CDC40: variants seen among roughly 807,000 people sequenced by gnomAD.
CDC40 encodes pre-mRNA-processing factor 17.
In CDC40, 27 loss-of-function variants were observed where a neutral mutation model predicts 80.6. The ratio of observed to expected loss-of-function variants is 0.33; its 90% CI spans 0.25 to 0.46. The LOEUF (loss-of-function observed/expected upper bound fraction) is 0.46. CDC40 is among the 20% of genes least tolerant of loss of function. The pLI is 1.00. For synonymous variants in CDC40, 221 were observed against 232.6 expected, an observed-to-expected ratio of 0.95 and a Z score of 0.45; for missense variants, 486 against 694.1, an observed-to-expected ratio of 0.70 and a Z score of 3.37.
chr6:110,189,658 T>C (rs1777319401), intron 1 of CDC40, among the ~76,000 whole-genome samples: 1 of 152,226 alleles, frequency 6.6e-6, no homozygotes, highest in Non-Finnish European at 1.5e-5. Flanking sequence ...AGGGCAACTG[T>C]ACCTTTATCT....
chr6:110,186,448 C>G (rs1777271984), intron 1 of CDC40, among the ~76,000 whole-genome samples: 2 of 152,052 alleles, frequency 1.3e-5, no homozygotes, highest in African/African-American at 4.8e-5. Flanking sequence ...CACGCCACTG[C>G]ACTCCAGCCT....
At chr6:110,212,108 G>T in intron 6 of CDC40, 25 bp from the exon 7 acceptor site, 1 of 1,598,018 alleles carries the variant, frequency 6.3e-7, no homozygotes, top group South Asian at 1.1e-5. Context: ...TTTGTTTATT[G>T]ATTTTCTTTG....
chr6:110,203,176 T>G (rs1777515098), intron 3 of CDC40, among the ~76,000 whole-genome samples: 1 of 152,190 alleles, frequency 6.6e-6, no homozygotes, highest in Non-Finnish European at 1.5e-5. Flanking sequence ...AGATCAGTCT[T>G]GTCTAAGCTT....
intron 12 of CDC40, among the ~76,000 whole-genome samples, chr6:110,221,540 T>C (rs950386539): frequency 4.6e-5 from 7 of 152,234 alleles, no homozygotes; most frequent in African/African-American, 1.7e-4. Context: ...TCTTTCTTAA[T>C]TCAGAAATAT....
chr6:110,204,743 T>C (rs1419265201), intron 3 of CDC40, among the ~76,000 whole-genome samples: 1 of 144,218 alleles, frequency 6.9e-6, no homozygotes. Context: ...CACTGCAACC[T>C]CTACCTCTGG....
chr6:110,222,940 C>CA (rs1166480165), intron 12 of CDC40, among the ~76,000 whole-genome samples: 1 of 152,110 alleles, frequency 6.6e-6, no homozygotes, highest in Non-Finnish European at 1.5e-5. Flanking sequence ...ATTTAGTGTG[C>CA]AAAGCAATCT....
At chr6:110,197,202 T>C (rs1777429485) in intron 2 of CDC40, among the ~76,000 whole-genome samples, 1 of 152,200 alleles carries the variant, frequency 6.6e-6, no homozygotes, top group Non-Finnish European at 1.5e-5. Flanking sequence ...AAACCACTAC[T>C]TCATTCAGTT....
chr6:110,199,426 CTACAAAAAA>C (rs541694649), intron 2 of CDC40, among the ~76,000 whole-genome samples: 1 of 151,820 alleles, frequency 6.6e-6, no homozygotes, highest in Non-Finnish European at 1.5e-5. Context: ...AACCCCGTCT[CTACAAAAAA>C]TACAAAAAAT....
At chr6:110,201,420 C>T (rs1179600277) in intron 2 of CDC40, 138 bp from the exon 3 acceptor site, 16 of 536,610 alleles carry the variant, frequency 3.0e-5, no homozygotes, top group South Asian at 6.0e-5. Context: ...TGCACTGAAC[C>T]GTATCAGGCT....
At chr6:110,208,337 G>T (rs929336813) in intron 4 of CDC40, among the ~76,000 whole-genome samples, 2 of 152,148 alleles carry the variant, frequency 1.3e-5, no homozygotes, top group African/African-American at 4.8e-5. Flanking sequence ...ACCTCTGCAA[G>T]TCCCATCTAA....
intron 3 of CDC40, among the ~76,000 whole-genome samples, chr6:110,203,601 G>A (rs933153580): frequency 1.3e-5 from 2 of 152,092 alleles, no homozygotes; most frequent in African/African-American, 4.8e-5. Flanking sequence ...TTTAAAAGTT[G>A]TAAGATTGTT....
chr6:110,182,083 G>T (rs976235998), intron 1 of CDC40, among the ~76,000 whole-genome samples: 6 of 152,200 alleles, frequency 3.9e-5, no homozygotes, highest in African/African-American at 1.4e-4. Context: ...CTGGAATTAA[G>T]ACTGTAATTC....
At position 110,188,012 on chromosome 6, in the gene CDC40, T is replaced by C. The variant is rs1440074022; in HGVS notation, c.190-5170T>C. 3.3e-5 allele frequency among the ~76,000 whole-genome samples: 5 copies of C among 152,168 alleles called. No individual in the cohort carries two copies. The East Asian group carries it at 9.6e-4, about 29-fold the overall frequency. On this transcript the variant is annotated intron_variant, in intron 1 of 14. Transcript: ENST00000307731. ...TAACAGCCCTTCGTTTTCTTGAGAG[T>C]TGTTCAATTTGTTCTATAATTTTAG...
chr6:110,209,380 GTTTTTC>G (rs1347683279), intron 5 of CDC40, 157 bp downstream of exon 5: 1 of 532,158 alleles, frequency 1.9e-6, no homozygotes, highest in African/African-American at 1.9e-5. Context: ...AAATTTATTT[GTTTTTC>G]TTTGGGATAT....
intron 4 of CDC40, 145 bp downstream of exon 4, chr6:110,207,734 C>T (rs1777584334): frequency 1.9e-6 from 1 of 529,134 alleles, no homozygotes; most frequent in Non-Finnish European, 3.4e-6. Context: ...CAGTTTAGAG[C>T]AATATAGTTC....
At chr6:110,213,059 G>A in intron 7 of CDC40, 27 bp from the exon 8 acceptor site, 1 of 1,450,570 alleles carries the variant, frequency 6.9e-7, no homozygotes, top group Non-Finnish European at 9.7e-7. Context: ...AATGCTTCTG[G>A]TTGATAACTG....
intron 3 of CDC40, among the ~76,000 whole-genome samples, chr6:110,201,949 C>A (rs1401674193): frequency 1.3e-5 from 2 of 152,124 alleles, no homozygotes; most frequent in Non-Finnish European, 2.9e-5. Context: ...TGTTGTCGTA[C>A]TAGGTAATGG....
intron 1 of CDC40, among the ~76,000 whole-genome samples, chr6:110,187,676 T>A (rs1299676007): frequency 1.3e-5 from 2 of 152,248 alleles, no homozygotes; most frequent in East Asian, 3.8e-4. Flanking sequence ...ACAGTTTACA[T>A]GGTGTTTTTA....
chr6:110,194,569 C>T (rs550578749), intron 2 of CDC40, among the ~76,000 whole-genome samples: 1 of 152,170 alleles, frequency 6.6e-6, no homozygotes, highest in Non-Finnish European at 1.5e-5. Flanking sequence ...GACACGACGG[C>T]ACATTTTAAT....
Sources: gnomAD v4.1 joint callset for allele counts (sites outside exome capture counted in the v4.1 genomes callset) on GRCh38, gnomAD v4.1.1 for gene constraint, MANE v1.5 for transcripts, NCBI Gene and HGNC (gene_info 2026-07-23, HGNC 2026-07-21) for gene names.